Variants in TLN2 observed in about 807,000 individuals in gnomAD.
TLN2 encodes talin 2, also known as talin-2.
TLN2 carries 118 observed loss-of-function variants against 294.7 expected under a neutral mutation model. That is an observed-to-expected ratio of 0.40 (90% CI 0.34 to 0.47). The LOEUF (loss-of-function observed/expected upper bound fraction) is 0.47, where lower values mean the gene tolerates loss of function less well. Among genes scored for constraint, TLN2 ranks in the 20% least tolerant of loss-of-function variants. The probability of loss-of-function intolerance (pLI) is 0.84; values close to 1 mark genes in which losing one functional copy is unlikely to be tolerated. For synonymous variants in TLN2, 1,431 were observed against 1,304.5 expected (o/e 1.10, Z -2.09); for missense variants, 3,083 against 3,282.2 (o/e 0.94, Z 1.48).
intron 5 of TLN2, among the ~76,000 whole-genome samples, chr15:62,650,919 G>A (rs1190808845): frequency 6.6e-6 from 1 of 152,046 alleles, no homozygotes; most frequent in Non-Finnish European, 1.5e-5. Flanking sequence ...CCCCTGTTTG[G>A]TCTTGTCATT....
At chr15:62,616,472 A>G (rs978619471) in intron 2 of TLN2, among the ~76,000 whole-genome samples, 10 of 152,142 alleles carry the variant, frequency 6.6e-5, no homozygotes, top group African/African-American at 2.4e-4. Flanking sequence ...CCTGTCACCC[A>G]GTCAGGAATG....
intron 45 of TLN2, 56 bp downstream of exon 45, chr15:62,783,946 C>G: frequency 6.2e-7 from 1 of 1,604,304 alleles, no homozygotes. Flanking sequence ...GTGCCCACTC[C>G]TGGGTATTTC....
At chr15:62,730,024 G>C (rs1163766973) in intron 28 of TLN2, among the ~76,000 whole-genome samples, 1 of 110,922 alleles carries the variant, frequency 9.0e-6, no homozygotes. Flanking sequence ...TTATTTTATT[G>C]TTGTCTTTTT....
At chr15:62,671,988 G>A (rs1178387226) in intron 9 of TLN2, among the ~76,000 whole-genome samples, 1 of 152,012 alleles carries the variant, frequency 6.6e-6, no homozygotes, top group Non-Finnish European at 1.5e-5. Flanking sequence ...TCAGTTGGGA[G>A]GCATATATTA....
At chr15:62,664,814 G>GTA (rs1171643896) in intron 9 of TLN2, among the ~76,000 whole-genome samples, 1 of 118,666 alleles carries the variant, frequency 8.4e-6, no homozygotes, top group Non-Finnish European at 1.6e-5. Flanking sequence ...GCTGAGATAT[G>GTA]CATCATTGTA....
At chr15:62,562,945 CA>C (rs1567104699) in intron 1 of TLN2, among the ~76,000 whole-genome samples, 5 of 149,816 alleles carry the variant, frequency 3.3e-5, no homozygotes, top group African/African-American at 1.2e-4. Flanking sequence ...CACACACACA[CA>C]CACACACACA....
chr15:62,483,742 G>T (rs2038234981), intron 1 of TLN2, among the ~76,000 whole-genome samples: 1 of 152,046 alleles, frequency 6.6e-6, no homozygotes, highest in African/African-American at 2.4e-5. Context: ...TTATTAGTTG[G>T]GACAGTAGCT....
At chr15:62,669,902 C>T (rs1474287510) in intron 9 of TLN2, among the ~76,000 whole-genome samples, 4 of 152,162 alleles carry the variant, frequency 2.6e-5, no homozygotes, top group African/African-American at 9.7e-5. Context: ...TTTAAACTCC[C>T]CACAAACCGA....
chr15:62,634,301 C>T (rs1163304020), intron 3 of TLN2, among the ~76,000 whole-genome samples: 1 of 152,160 alleles, frequency 6.6e-6, no homozygotes, highest in Non-Finnish European at 1.5e-5. Flanking sequence ...TTAGTCCTGC[C>T]ATTTCTTTAG....
At chr15:62,555,643 C>T (rs369701883) in intron 1 of TLN2, among the ~76,000 whole-genome samples, 172 of 152,274 alleles carry the variant, frequency 1.1e-3, no homozygotes, top group Admixed American at 3.9e-3. Flanking sequence ...TCTGTCTAGT[C>T]TACCTAGGAT....
chr15:62,786,749 A>G (rs2064694055), intron 45 of TLN2, among the ~76,000 whole-genome samples: 1 of 152,160 alleles, frequency 6.6e-6, no homozygotes, highest in Non-Finnish European at 1.5e-5. Context: ...TTTCCACCCC[A>G]AGACACACGT....
chr15:62,695,301 G>C (rs1032349806), intron 14 of TLN2, among the ~76,000 whole-genome samples: 1 of 152,068 alleles, frequency 6.6e-6, no homozygotes, highest in Admixed American at 6.5e-5. Flanking sequence ...GGAGGCCAGG[G>C]GTCTCAGCCA....
chr15:62,535,403 A>C (rs946801343), intron 1 of TLN2, among the ~76,000 whole-genome samples: 1 of 151,930 alleles, frequency 6.6e-6, no homozygotes, highest in Admixed American at 6.6e-5. Context: ...CAGAGGCAGG[A>C]GGATTGCTTG....
At chr15:62,645,383 G>A (rs968494622) in intron 3 of TLN2, 2 of 152,176 alleles carry the variant, frequency 1.3e-5, no homozygotes, top group Non-Finnish European at 1.5e-5. Flanking sequence ...AGTGTATCCT[G>A]ACCTTTCTCA....
At chr15:62,724,801 G>A (rs1316593864) in intron 26 of TLN2, among the ~76,000 whole-genome samples, 175 bp from the exon 27 acceptor site, 5 of 152,156 alleles carry the variant, frequency 3.3e-5, no homozygotes, top group African/African-American at 1.2e-4. Flanking sequence ...TAAGAGTAAG[G>A]TTCTAACTGA....
intron 11 of TLN2, among the ~76,000 whole-genome samples, chr15:62,679,699 A>G (rs970048681): frequency 6.6e-6 from 1 of 152,214 alleles, no homozygotes; most frequent in African/African-American, 2.4e-5. Flanking sequence ...GGTTTTAAAA[A>G]TAACAGTAAT....
At chr15:62,671,218 C>T (rs1191536639) in intron 9 of TLN2, among the ~76,000 whole-genome samples, 1 of 152,220 alleles carries the variant, frequency 6.6e-6, no homozygotes, top group Admixed American at 6.5e-5. Context: ...TATTTTCCCC[C>T]ATTCTATGGA....
chr15:62,422,683 T>C (rs1222906760), intron 1 of TLN2, among the ~76,000 whole-genome samples: 1 of 152,160 alleles, frequency 6.6e-6, no homozygotes, highest in Non-Finnish European at 1.5e-5. Context: ...AGAAATGCCT[T>C]CCACAGGAAG....
intron 47 of TLN2, among the ~76,000 whole-genome samples, chr15:62,796,561 GC>G (rs1187300988): frequency 6.6e-6 from 1 of 152,178 alleles, no homozygotes; most frequent in African/African-American, 2.4e-5. Flanking sequence ...CACACGCTGA[GC>G]CAGAGAGCCG....
Sources: allele counts gnomAD v4.1 joint callset (sites outside exome capture counted in the v4.1 genomes callset), GRCh38; gene constraint gnomAD v4.1.1; transcripts MANE v1.5; gene names NCBI Gene and HGNC (gene_info 2026-07-23, HGNC 2026-07-21).